Variants in KIF2C observed in about 807,000 individuals in gnomAD.
KIF2C encodes the protein kinesin family member 2C.
A neutral mutation model predicts 97.4 loss-of-function variants in KIF2C; 34 were observed. That is an observed-to-expected ratio of 0.35 (90% confidence interval 0.27 to 0.46). The LOEUF (loss-of-function observed/expected upper bound fraction) is 0.46, where lower values mean the gene tolerates loss of function less well. Ranked by LOEUF, KIF2C falls within the 20% of genes least tolerant of loss-of-function variation. The probability of loss-of-function intolerance (pLI) is 1.00; values close to 1 mark genes in which losing one functional copy is unlikely to be tolerated. For synonymous variants in KIF2C, 313 were observed against 318.2 expected, an observed-to-expected ratio of 0.98 and a Z score of 0.17; for missense variants, 750 against 907.6, an observed-to-expected ratio of 0.83 and a Z score of 2.23.
chr1:44,748,242 A>G (rs1290696509), intron 4 of KIF2C, among the ~76,000 whole-genome samples: 1 of 152,166 alleles, frequency 6.6e-6, no homozygotes, highest in Non-Finnish European at 1.5e-5. Context: ...TAAGCTTCCC[A>G]AAAGATCCAG....
At chr1:44,746,510 G>T in intron 2 of KIF2C, 1 of 1,285,270 alleles carries the variant, frequency 7.8e-7, no homozygotes, top group Non-Finnish European at 9.8e-7. Flanking sequence ...AGATCCTAAA[G>T]GGCCCCCATT....
intron 2 of KIF2C, among the ~76,000 whole-genome samples, chr1:44,743,733 A>G (rs1387172189): frequency 6.6e-6 from 1 of 152,234 alleles, no homozygotes; most frequent in Non-Finnish European, 1.5e-5. Context: ...TCAGGGCTAC[A>G]GTGAGCCACT....
intron 2 of KIF2C, 81 bp from the exon 3 acceptor site, chr1:44,747,301 CTG>C: frequency 8.8e-7 from 1 of 1,141,452 alleles, no homozygotes; most frequent in Non-Finnish European, 1.3e-6. Context: ...GAGCGATACT[CTG>C]TCTCAAAAAA....
At chr1:44,747,349 G>T in intron 2 of KIF2C, 35 bp from the exon 3 acceptor site, 53 of 1,347,862 alleles carry the variant, frequency 3.9e-5, no homozygotes, top group South Asian at 6.1e-5. Context: ...ATTGAACAAT[G>T]TTGTTTCATT....
At chr1:44,742,164 C>T (rs1241951688) in intron 2 of KIF2C, among the ~76,000 whole-genome samples, 1 of 151,854 alleles carries the variant, frequency 6.6e-6, no homozygotes, top group Non-Finnish European at 1.5e-5. Flanking sequence ...GGCTGGAGTG[C>T]AGTGGCGAGA....
chr1:44,739,906 C>A lies in KIF2C; in HGVS notation c.-27C>A. 10 of 1,602,036 alleles carry A rather than the reference C, an allele frequency of 6.2e-6. No individual in the cohort carries two copies. The highest frequency in any genetic ancestry group is 8.6e-6 in the Non-Finnish European group (10 of 1,168,898). The stretch of plus-strand genomic sequence containing the variant: ...GAAATTGAGGTTTCTTGGTATTGCG[C>A]GTTTCTCTTCCTTGCTGACTCTCCG... On this transcript the variant is annotated 5_prime_UTR_variant, in exon 1 of 21. Coordinates refer to ENST00000372224, the MANE Select transcript of KIF2C (RefSeq NM_006845.4).
intron 10 of KIF2C, among the ~76,000 whole-genome samples, chr1:44,756,544 C>CTTTTT (rs67641740): frequency 4.0e-4 from 26 of 65,250 alleles, no homozygotes; most frequent in East Asian, 5.0e-4. Flanking sequence ...GCTCTATCTG[C>CTTTTT]TTTTTTTTTT....
rs138933976 is a variant in KIF2C at position 44,758,122 on chromosome 1, C to T, written c.1206C>T (p.Phe402=). 1.8e-4 allele frequency: 294 copies of T among 1,613,778 alleles called. No homozygotes were observed. The highest frequency in any genetic ancestry group is 2.4e-4 in the Non-Finnish European group (279 of 1,179,944). Reference sequence around the variant, plus strand: ...GCCTGGAAGTCTATGTGACATTCTTCGAGATCTACAATGGGAAGGTAGCTG... The same window carrying T: ...GCCTGGAAGTCTATGTGACATTCTTTGAGATCTACAATGGGAAGGTAGCTG... The part of the protein sequence containing the change: ...KLGLEVYVTF[F]EIYNGKLFDL... The change falls in exon 13 of 21, where the codon TTC becomes TTT. Residue 402 remains phenylalanine (F), a synonymous_variant. Transcript: ENST00000372224.
intron 4 of KIF2C, chr1:44,750,170 A>G (rs1026359678): frequency 7.9e-6 from 2 of 254,458 alleles, no homozygotes; most frequent in African/African-American, 4.5e-5. Flanking sequence ...CAGGATAGCT[A>G]TAGGTTCCTG....
At chr1:44,756,308 A>G in intron 10 of KIF2C, 71 bp downstream of exon 10, 1 of 1,446,488 alleles carries the variant, frequency 6.9e-7, no homozygotes, top group African/African-American at 1.4e-5. Context: ...CATCGTGGTA[A>G]CACTACTCAC....
At chr1:44,742,735 A>C (rs1295983508) in intron 2 of KIF2C, among the ~76,000 whole-genome samples, 1 of 151,480 alleles carries the variant, frequency 6.6e-6, no homozygotes, top group Non-Finnish European at 1.5e-5. Flanking sequence ...AAAAAAAAAA[A>C]AACAAACTGC....
intron 2 of KIF2C, among the ~76,000 whole-genome samples, chr1:44,744,577 G>A (rs1003687562): frequency 6.6e-6 from 1 of 152,164 alleles, no homozygotes; most frequent in Non-Finnish European, 1.5e-5. Context: ...ATCAACATGA[G>A]AATCAGTTGA....
rs766307898 is a variant in KIF2C, at chr1:44,758,068, G to A, written c.1152G>A (p.Leu384=). 4 of 1,614,192 alleles carry A rather than the reference G, an allele frequency of 2.5e-6. No individual in the cohort carries two copies. The highest frequency in any genetic ancestry group is 3.4e-6 in the Non-Finnish European group (4 of 1,180,032). ...CCTCAGCCCGGGACGTCTTCCTCCTGAAGAATCAACCCTGCTACCGGAAGT... is the reference window on the plus strand; with the variant it reads ...CCTCAGCCCGGGACGTCTTCCTCCTAAAGAATCAACCCTGCTACCGGAAGT... ...YAMASRDVFL[L]KNQPCYRKLG... Residue 384 remains leucine (L), a synonymous_variant, in exon 13 of 21, where the codon CTG becomes CTA. Transcript: ENST00000372224.
rs757268992 is a variant in KIF2C, at chr1:44,750,573, C to T, written c.439+9C>T. On this transcript the variant is annotated intron_variant, in intron 5 of 20. Coordinates refer to ENST00000372224, the MANE Select transcript of KIF2C (RefSeq NM_006845.4). ...GCAGTTTTCAGTTCCTCGTGAGTAA[C>T]GAATGTGCCCCCAACCACCATGTTT... The T allele has an allele frequency of 8.5e-6, 13 of 1,523,846 alleles. No individual in the cohort carries two copies. Among genetic ancestry groups the T allele is most frequent in the South Asian group, 3.8e-5 (3 of 79,344 alleles). The allele number at this position is 1,523,846 out of a possible 1,614,324, so 94.4% of individuals were successfully genotyped here.
chr1:44,747,287 G>A (rs1649253901), intron 2 of KIF2C, 97 bp from the exon 3 acceptor site: 4 of 1,002,492 alleles, frequency 4.0e-6, no homozygotes, highest in South Asian at 1.5e-5. Context: ...CAGCCTGGGC[G>A]ACAGAGCGAT....
At chr1:44,766,519 G>A (rs1650470909) in intron 19 of KIF2C, among the ~76,000 whole-genome samples, 1 of 152,150 alleles carries the variant, frequency 6.6e-6, no homozygotes, top group Admixed American at 6.6e-5. Context: ...GCTGAAGCAG[G>A]AGAATCCCTT....
intron 8 of KIF2C, among the ~76,000 whole-genome samples, chr1:44,755,327 A>G (rs1174992716): frequency 1.3e-5 from 2 of 152,014 alleles, no homozygotes; most frequent in South Asian, 4.1e-4. Flanking sequence ...GTGCAATGGC[A>G]TGGTCTTGGC....
intron 7 of KIF2C, 122 bp downstream of exon 7, chr1:44,753,955 A>ATTATTTT: frequency 5.2e-6 from 1 of 192,994 alleles, no homozygotes. Flanking sequence ...TGAGGCCCCA[A>ATTATTTT]TTCTTTTTTT....
intron 7 of KIF2C, among the ~76,000 whole-genome samples, chr1:44,754,357 C>T (rs1649702505): frequency 6.6e-6 from 1 of 152,178 alleles, no homozygotes; most frequent in Non-Finnish European, 1.5e-5. Context: ...AAGCCCATCA[C>T]ATGCTCACAT....
Sources: gnomAD v4.1 joint callset for allele counts (sites outside exome capture counted in the v4.1 genomes callset) on GRCh38, gnomAD v4.1.1 for gene constraint, MANE v1.5 for transcripts, NCBI Gene and HGNC (gene_info 2026-07-23, HGNC 2026-07-21) for gene names.